The following CSMD1 variants were observed in gnomAD, a reference collection of about 807,000 sequenced individuals.
The protein encoded by CSMD1 is CUB and sushi domain-containing protein 1.
In CSMD1, 213 loss-of-function variants were observed where a neutral mutation model predicts 417.5. The ratio of observed to expected loss-of-function variants is 0.51; its 90% CI spans 0.46 to 0.57. The LOEUF is 0.57. CSMD1 is among the 20% of genes least tolerant of loss of function. The pLI, the probability that CSMD1 is intolerant of heterozygous loss-of-function variation, is 0.00. For synonymous variants in CSMD1, 2,862 were observed against 1,736.8 expected, an observed-to-expected ratio of 1.65 and a Z score of -16.11; for missense variants, 6,923 against 4,529.7, an observed-to-expected ratio of 1.53 and a Z score of -15.17.
intron 5 of CSMD1, among the ~76,000 whole-genome samples, chr8:3,900,599 CAG>C (rs1458037868): frequency 6.6e-6 from 1 of 151,854 alleles, no homozygotes; most frequent in African/African-American, 2.4e-5. Context: ...AGCTGGGTGA[CAG>C]TGTAGCTGGG....
At chr8:3,239,911 A>G (rs1185471183) in intron 26 of CSMD1, among the ~76,000 whole-genome samples, 1 of 151,980 alleles carries the variant, frequency 6.6e-6, no homozygotes, top group African/African-American at 2.4e-5. Context: ...GCCAGGAACA[A>G]TGGTAATTGT....
At position 3,820,320 on chromosome 8, in the gene CSMD1, ATGAATTCCTCTTAGATATATGGTGTT is replaced by A. The variant is rs537323490; in HGVS notation, c.819-66304_819-66279del. On this transcript the variant is annotated intron_variant, in intron 5 of 69. Coordinates refer to ENST00000635120, the MANE Select transcript of CSMD1 (RefSeq NM_033225.6). ...TCAGAAGAGGACACAGTAGTCTAAGATGAATTCCTCTTAGATATATGGTGTTTGAACTGGGATATATGGTGTTTGAA... is the reference window on the plus strand; with the variant it reads ...TCAGAAGAGGACACAGTAGTCTAAGATGAACTGGGATATATGGTGTTTGAA... Among the ~76,000 whole-genome samples the A allele has an allele frequency of 1.2e-4, 18 of 152,248 alleles. No homozygotes were observed. In the South Asian group the frequency reaches 3.7e-3, roughly 32 times the overall value.
intron 8 of CSMD1, among the ~76,000 whole-genome samples, chr8:3,601,350 G>C (rs1273582346): frequency 6.6e-6 from 1 of 152,226 alleles, no homozygotes; most frequent in Non-Finnish European, 1.5e-5. Context: ...GAAGGCAGCA[G>C]ATACTGAAAG....
At chr8:4,712,141 T>C (rs1181659961) in intron 1 of CSMD1, among the ~76,000 whole-genome samples, 1 of 152,194 alleles carries the variant, frequency 6.6e-6, no homozygotes, top group African/African-American at 2.4e-5. Flanking sequence ...TGAAGCTGGA[T>C]GGCATAGACC....
Position 4,856,714 on chromosome 8 carries a change from A to T in CSMD1, c.85+137618T>A, listed in dbSNP as rs1194262314. Among the ~76,000 whole-genome samples, 13 of 149,686 alleles carry T rather than the reference A, an allele frequency of 8.7e-5. No individual in the cohort carries two copies. In the East Asian group the frequency reaches 2.4e-3, roughly 27 times the overall value. ...AGGGATCAATTCAACAAGAAGAGCT[A>T]ACTATCCTAAATATATATGCACCCA... On this transcript the variant is annotated intron_variant, in intron 1 of 69. Coordinates refer to ENST00000635120, the MANE Select transcript of CSMD1 (RefSeq NM_033225.6).
intron 3 of CSMD1, among the ~76,000 whole-genome samples, chr8:4,062,215 G>T (rs1007356257): frequency 2.0e-5 from 3 of 152,084 alleles, no homozygotes; most frequent in African/African-American, 7.2e-5. Flanking sequence ...CAAGCTACGG[G>T]CCAGGTTCAC....
At chr8:4,785,760 T>C (rs2117209000) in intron 1 of CSMD1, among the ~76,000 whole-genome samples, 1 of 152,288 alleles carries the variant, frequency 6.6e-6, no homozygotes, top group Non-Finnish European at 1.5e-5. Flanking sequence ...CAAATAATAG[T>C]ACTTTTATTC....
At chr8:4,293,053 C>G (rs1016151415) in intron 3 of CSMD1, among the ~76,000 whole-genome samples, 2 of 152,152 alleles carry the variant, frequency 1.3e-5, no homozygotes, top group East Asian at 3.9e-4. Flanking sequence ...GGCTATTCCA[C>G]CAGAGCTGCG....
chr8:3,195,743 T>C (rs1478812243), intron 33 of CSMD1, among the ~76,000 whole-genome samples: 6 of 152,098 alleles, frequency 3.9e-5, no homozygotes, highest in Non-Finnish European at 8.8e-5. Context: ...AAGAAACTGG[T>C]ATAAAACACT....
chr8:3,605,386 G>T (rs1344114996), intron 8 of CSMD1, among the ~76,000 whole-genome samples: 1 of 152,190 alleles, frequency 6.6e-6, no homozygotes, highest in Non-Finnish European at 1.5e-5. Flanking sequence ...ACAAGAGACA[G>T]GTGCCTCTGC....
At chr8:3,994,844 A>C (rs1206993399) in intron 5 of CSMD1, among the ~76,000 whole-genome samples, 1 of 152,180 alleles carries the variant, frequency 6.6e-6, no homozygotes, top group Non-Finnish European at 1.5e-5. Flanking sequence ...TATTGTTCCT[A>C]ACAATTTTCC....
chr8:4,241,590 C>T (rs755945496), intron 3 of CSMD1, among the ~76,000 whole-genome samples: 5 of 152,172 alleles, frequency 3.3e-5, no homozygotes, highest in South Asian at 4.2e-4. Context: ...CCTAAATACC[C>T]GGAACACAAG....
chr8:3,686,115 C>G lies in CSMD1; in HGVS notation c.1009+22299G>C, dbSNP rs879928154. 2.0e-4 allele frequency among the ~76,000 whole-genome samples: 30 copies of G among 150,184 alleles called. 1 individual carries two copies. The highest frequency in any genetic ancestry group is 1.9e-3 in the Admixed American group (28 of 15,094). Reference sequence around the variant, plus strand: ...AGAAGGGTCAGTTTTCTATGTTTATCAAAAAGAAAAAAAAACTGTCTATGG... The same window carrying G: ...AGAAGGGTCAGTTTTCTATGTTTATGAAAAAGAAAAAAAAACTGTCTATGG... On this transcript the variant is annotated intron_variant, in intron 7 of 69. Coordinates refer to ENST00000635120, the MANE Select transcript of CSMD1 (RefSeq NM_033225.6).
Position 3,091,457 on chromosome 8 carries a change from C to T in CSMD1, c.7285+59G>A, listed in dbSNP as rs182957673. ...AAATTTCTATTTAAATTGTTTTATT[C>T]AATGAAAATCACCTGTTTTAAAATA... On this transcript the variant is annotated intron_variant, in intron 48 of 69. Transcript: ENST00000635120. The T allele has an allele frequency of 1.7e-3, 2,167 of 1,291,282 alleles. 7 individuals are homozygous for T. The highest frequency in any genetic ancestry group is 7.0e-3 in the Middle Eastern group (29 of 4,148). The allele number at this position is 1,291,282 out of a possible 1,614,324, so 80.0% of individuals were successfully genotyped here. A position where few individuals can be genotyped will look rare whatever the true frequency, so the allele number is the denominator to read the frequency against.
chr8:4,982,619 G>C (rs1306484411), intron 1 of CSMD1, among the ~76,000 whole-genome samples: 1 of 152,160 alleles, frequency 6.6e-6, no homozygotes, highest in Non-Finnish European at 1.5e-5. Flanking sequence ...AAGGTAAGAA[G>C]AAATGATAGT....
At chr8:3,076,516 A>G (rs1275381823) in intron 49 of CSMD1, among the ~76,000 whole-genome samples, 1 of 152,182 alleles carries the variant, frequency 6.6e-6, no homozygotes, top group African/African-American at 2.4e-5. Context: ...CAGACTTTCT[A>G]TCTCTGGTGC....
At chr8:3,961,601 A>G (rs11136688) in intron 5 of CSMD1, among the ~76,000 whole-genome samples, 41,984 of 152,128 alleles carry the variant, frequency 0.28, 6,055 homozygotes, top group South Asian at 0.47. Flanking sequence ...ATCATAATTT[A>G]CTCAGGCACC....
intron 3 of CSMD1, among the ~76,000 whole-genome samples, chr8:4,137,233 G>T (rs1438180357): frequency 6.6e-6 from 1 of 152,118 alleles, no homozygotes; most frequent in Non-Finnish European, 1.5e-5. Flanking sequence ...AATTCTCCAT[G>T]ATGCCTCTTT....
chr8:3,000,225 T>A, intron 52 of CSMD1, 94 bp from the exon 53 acceptor site: 1 of 742,514 alleles, frequency 1.3e-6, no homozygotes, highest in Non-Finnish European at 2.0e-6. Flanking sequence ...ATAACAGTAT[T>A]GAAGGCGCAA....
Sources: allele counts gnomAD v4.1 joint callset (sites outside exome capture counted in the v4.1 genomes callset), GRCh38; gene constraint gnomAD v4.1.1; transcripts MANE v1.5; gene names NCBI Gene and HGNC (gene_info 2026-07-23, HGNC 2026-07-21).